The following MTSS2 variants were observed in gnomAD, a reference collection of about 807,000 sequenced individuals.
MTSS2 encodes MTSS I-BAR domain containing 2.
A neutral mutation model predicts 67.1 loss-of-function variants in MTSS2; 27 were observed. That is an observed-to-expected ratio of 0.40 (90% CI 0.30 to 0.55). The LOEUF is 0.55. MTSS2 is among the 20% of genes least tolerant of loss of function. The pLI, the probability that MTSS2 is intolerant of heterozygous loss-of-function variation, is 0.43. For missense variants in MTSS2, 1,171 were observed against 1,067.8 expected (o/e 1.10, Z -1.35); for synonymous variants, 624 against 468.6 (o/e 1.33, Z -4.28).
rs368859448 is a variant in MTSS2, at chr16:70,680,985, G to A, written c.110C>T (p.Thr37Met). The change falls in exon 2 of 15, where the codon ACG (threonine) becomes ATG (methionine). Residue 37 changes from threonine to methionine, a missense_variant. Physicochemically the swap from Thr to Met is moderately conservative, Grantham distance 81 (BLOSUM62 -1). Around this residue, in one of 2 missense-constraint regions of MTSS2, gnomAD observed 247 missense variants for 311.8 expected, o/e 0.79. Transcript: ENST00000338779. ...TCACCTCAGCTGGGAATGCAGCTTC[G>A]TGGCCTTGGAGTTGAAGTCCTCCCA... ...PIWEDFNSKATKLHSQLRTTV... is the reference protein window; with the variant it reads ...PIWEDFNSKAMKLHSQLRTTV... 1.6e-5 allele frequency: 25 copies of A among 1,609,472 alleles called. No individual in the cohort carries two copies. The highest frequency in any genetic ancestry group is 1.8e-5 in the Non-Finnish European group (21 of 1,178,506).
intron 14 of MTSS2, 68 bp downstream of exon 14, chr16:70,664,530 A>G: frequency 6.3e-7 from 1 of 1,578,530 alleles, no homozygotes; most frequent in South Asian, 1.2e-5. Flanking sequence ...CAGAGGGGGA[A>G]GGACGGGGCC....
At position 70,663,592 on chromosome 16, in the gene MTSS2, T is replaced by G. The variant is rs982040632; in HGVS notation, c.*85A>C. 23 of 1,457,008 alleles carry G rather than the reference T, an allele frequency of 1.6e-5. No homozygotes were observed. The highest frequency in any genetic ancestry group is 2.2e-4 in the Middle Eastern group (1 of 4,538). 90.3% of individuals were successfully genotyped at this position (1,457,008 alleles called of 1,614,324 possible). On this transcript the variant is annotated 3_prime_UTR_variant, in exon 15 of 15. Transcript: ENST00000338779. ...CCCTGGCTCTGTCCTCTCTCCTGGC[T>G]GGGCCTTTGCTCTGAGTGCCTGCGG... is the stretch of plus-strand genomic sequence containing the variant.
At chr16:70,672,210 G>A (rs1315212713) in intron 11 of MTSS2, among the ~76,000 whole-genome samples, 1 of 152,120 alleles carries the variant, frequency 6.6e-6, no homozygotes, top group Non-Finnish European at 1.5e-5. Context: ...AGCTGGGCAT[G>A]GTGGCGCATG....
At chr16:70,681,165 T>G (rs904185879) in intron 1 of MTSS2, 140 bp from the exon 2 acceptor site, 9 of 762,214 alleles carry the variant, frequency 1.2e-5, no homozygotes, top group Non-Finnish European at 1.7e-5. Context: ...AGGGAGGCTC[T>G]GGGTCCTCTC....
intron 10 of MTSS2, among the ~76,000 whole-genome samples, chr16:70,674,934 G>A (rs547558779): frequency 1.9e-4 from 29 of 152,246 alleles, no homozygotes; most frequent in South Asian, 2.1e-4. Context: ...AGAACATAGC[G>A]AAACCCCATC....
rs1450158562 is a variant in MTSS2, at chr16:70,664,005, C to A, written c.1916G>T (p.Ser639Ile). 4 of 1,600,052 alleles carry A rather than the reference C, an allele frequency of 2.5e-6. No homozygotes were observed. In the African/African-American group the frequency reaches 5.3e-5, roughly 21 times the overall value. The change falls in exon 15 of 15, where the codon AGC (serine) becomes ATC (isoleucine). Residue 639 changes from serine (S) to isoleucine (I), a missense_variant. Transcript: ENST00000338779. ...DLAKASPKRL[S>I]LPNTAWGSPS... ...GCTGCCCCAGGCTGTGTTGGGCAGG[C>A]TGAGCCTCTTTGGGGAGGCCTTGGC...
Position 70,665,055 on chromosome 16 carries a change from G to T in MTSS2, c.1170C>A (p.Ala390=). 6.3e-7 allele frequency: 1 copy of T among 1,597,808 alleles called. No individual in the cohort carries two copies. Among genetic ancestry groups the T allele is most frequent in the African/African-American group, 1.3e-5 (1 of 75,056 alleles). ...CTCGGTCCTTCCTCCGCTGCAGAGT[G>T]GCGCCTGAGGGCTGCTCATGGGAGC... ...KVGSHEQPSG[A]TLQRRKDRVE... Residue 390 remains alanine (A), a synonymous_variant, in exon 13 of 15, where the codon GCC becomes GCA. Coordinates refer to ENST00000338779, the MANE Select transcript of MTSS2 (RefSeq NM_138383.3).
chr16:70,678,653 T>C (rs1254143487), intron 7 of MTSS2, among the ~76,000 whole-genome samples: 2 of 152,198 alleles, frequency 1.3e-5, no homozygotes, highest in African/African-American at 2.4e-5. Flanking sequence ...CACGCTGGAT[T>C]GGGGCATCTC....
At chr16:70,678,889 A>C (rs1289706116) in intron 7 of MTSS2, among the ~76,000 whole-genome samples, 1 of 152,134 alleles carries the variant, frequency 6.6e-6, no homozygotes, top group Non-Finnish European at 1.5e-5. Context: ...AAGGGGTCTC[A>C]GTGTGGGTCC....
At chr16:70,669,500 T>C (rs1218861366) in intron 11 of MTSS2, among the ~76,000 whole-genome samples, 1 of 149,548 alleles carries the variant, frequency 6.7e-6, no homozygotes, top group South Asian at 2.1e-4. Context: ...CTGGGCAACA[T>C]AGCAAGACCC....
intron 14 of MTSS2, 27 bp from the exon 15 acceptor site, chr16:70,664,476 C>A (rs2052622271): frequency 6.5e-7 from 1 of 1,540,756 alleles, no homozygotes; most frequent in South Asian, 1.3e-5. Context: ...CAGTGAGGCC[C>A]AGGGCCCAGG....
At chr16:70,670,190 G>A (rs909266324) in intron 11 of MTSS2, among the ~76,000 whole-genome samples, 9 of 152,218 alleles carry the variant, frequency 5.9e-5, no homozygotes, top group South Asian at 2.1e-4. Context: ...ACAATCACTC[G>A]AATCCCAAGG....
chr16:70,682,701 G>A (rs1295648778), intron 1 of MTSS2, among the ~76,000 whole-genome samples: 2 of 148,544 alleles, frequency 1.3e-5, no homozygotes, highest in Non-Finnish European at 3.0e-5. Context: ...AAGAGCTTAT[G>A]TCTTATTTGT....
chr16:70,680,901 G>A, intron 2 of MTSS2, 34 bp from the exon 3 acceptor site: 1 of 1,520,678 alleles, frequency 6.6e-7, no homozygotes, highest in Non-Finnish European at 8.8e-7. Context: ...GATGGTCGGT[G>A]GTTGGGCGGG....
intron 1 of MTSS2, among the ~76,000 whole-genome samples, chr16:70,685,203 G>C (rs2053414020): frequency 1.3e-5 from 2 of 152,164 alleles, no homozygotes; most frequent in African/African-American, 2.4e-5. Context: ...TGGGGCTGTG[G>C]GGGTGGGGCG....
chr16:70,673,523 G>A (rs975778508), intron 11 of MTSS2, among the ~76,000 whole-genome samples: 3 of 152,148 alleles, frequency 2.0e-5, no homozygotes, highest in African/African-American at 7.2e-5. Context: ...CAAAAACTGA[G>A]AGTTTACAAC....
chr16:70,676,116 G>C (rs773975629), intron 10 of MTSS2, among the ~76,000 whole-genome samples: 1 of 152,242 alleles, frequency 6.6e-6, no homozygotes, highest in Non-Finnish European at 1.5e-5. Flanking sequence ...AGTGATTCTG[G>C]GGAGAGGGGT....
At chr16:70,665,179 A>C in intron 12 of MTSS2, 83 bp from the exon 13 acceptor site, 2 of 1,443,806 alleles carry the variant, frequency 1.4e-6, no homozygotes, top group Non-Finnish European at 1.8e-6. Flanking sequence ...GCTGAGGCTC[A>C]GGGTGTCCAG....
At chr16:70,683,924 G>A (rs1326984551) in intron 1 of MTSS2, among the ~76,000 whole-genome samples, 1 of 152,246 alleles carries the variant, frequency 6.6e-6, no homozygotes, top group Admixed American at 6.5e-5. Flanking sequence ...GTCATAGGTA[G>A]GGGCGAATCT....
Sources: allele counts gnomAD v4.1 joint callset (sites outside exome capture counted in the v4.1 genomes callset), GRCh38; gene constraint gnomAD v4.1.1; regional missense constraint gnomAD v4.1.1; transcripts MANE v1.5; gene names NCBI Gene and HGNC (gene_info 2026-07-23, HGNC 2026-07-21).